NTAQ1: variants seen among roughly 807,000 people sequenced by gnomAD.
NTAQ1 encodes the protein protein N-terminal glutamine amidohydrolase.
NTAQ1 carries 21 observed loss-of-function variants against 28.2 expected under a neutral mutation model. The ratio of observed to expected loss-of-function variants is 0.74; its 90% confidence interval spans 0.53 to 1.07. The LOEUF (loss-of-function observed/expected upper bound fraction) is 1.07. Ranked by LOEUF, NTAQ1 falls within the 50% of genes least tolerant of loss-of-function variation. NTAQ1 has a pLI of 0.00. For synonymous variants in NTAQ1, 105 were observed against 90.0 expected (o/e 1.17, Z -0.94); for missense variants, 264 against 256.6 (o/e 1.03, Z -0.20).
chr8:123,457,373 A>T (rs931784923), intron 6 of NTAQ1, among the ~76,000 whole-genome samples: 20 of 148,038 alleles, frequency 1.4e-4, no homozygotes, highest in Non-Finnish European at 2.9e-4. Flanking sequence ...AGCCAAAATT[A>T]AAAAAAAAAT....
intron 1 of NTAQ1, among the ~76,000 whole-genome samples, chr8:123,423,934 G>A (rs1586930081): frequency 2.7e-5 from 4 of 150,854 alleles, no homozygotes; most frequent in East Asian, 3.9e-4. Context: ...CAGGCTGGAG[G>A]AGCAGTCGTG....
intron 1 of NTAQ1, among the ~76,000 whole-genome samples, chr8:123,417,438 A>G (rs1813367988): frequency 6.6e-6 from 1 of 152,168 alleles, no homozygotes; most frequent in South Asian, 2.1e-4. Flanking sequence ...TGTTATCCCC[A>G]GTTGAAAGAT....
intron 6 of NTAQ1, among the ~76,000 whole-genome samples, chr8:123,458,302 C>G (rs1452590223): frequency 2.0e-5 from 3 of 150,772 alleles, no homozygotes; most frequent in Non-Finnish European, 4.4e-5. Flanking sequence ...TCTCTCTGAT[C>G]AAAGTTTCAT....
chr8:123,420,883 G>C (rs1416728259), intron 1 of NTAQ1, among the ~76,000 whole-genome samples: 1 of 151,834 alleles, frequency 6.6e-6, no homozygotes, highest in East Asian at 1.9e-4. Context: ...TCCGCCTCCT[G>C]GGTTCAAGCG....
Position 123,430,036 on chromosome 8 carries a change from A to G in NTAQ1, c.234+3A>G. On this transcript the variant is annotated splice_donor_region_variant and intron_variant, in intron 3 of 5. Coordinates refer to ENST00000287387, the MANE Select transcript of NTAQ1 (RefSeq NM_018024.3). ...CTGGAGATGGACCTGTGATCTGGGT[A>G]AGACAGTTAATACAGAGAGTATTGA... is the stretch of plus-strand genomic sequence containing the variant. 6.2e-7 allele frequency: 1 copy of G among 1,612,132 alleles called. No individual in the cohort carries two copies.
chr8:123,425,416 A>AAATTT (rs1237388175), intron 1 of NTAQ1, among the ~76,000 whole-genome samples: 4 of 151,574 alleles, frequency 2.6e-5, no homozygotes, highest in African/African-American at 9.7e-5. Context: ...TTATTACTCT[A>AAATTT]TAGTACATAT....
chr8:123,473,453 AC>A (rs1382708252), downstream of NTAQ1, among the ~76,000 whole-genome samples: 1 of 151,790 alleles, frequency 6.6e-6, no homozygotes, highest in Admixed American at 6.6e-5. Flanking sequence ...ATGCCACCAC[AC>A]CTGGCTAATT....
chr8:123,465,574 C>CTTTTTTTTTT (rs71310691), intron 6 of NTAQ1, among the ~76,000 whole-genome samples: 7 of 78,558 alleles, frequency 8.9e-5, no homozygotes, highest in East Asian at 5.1e-4. Flanking sequence ...AGCATAACAT[C>CTTTTTTTTTT]TTTTTTTTTT....
In NTAQ1 at chr8:123,441,372, C is replaced by T; in HGVS notation, c.575C>T (p.Thr192Ile). ...DPKVGWGAVY[T>I]LSEFTHRFGS... is the part of the protein sequence containing the mutation. ...AAGGTAGGATGGGGCGCCGTCTACA[C>T]ACTATCCGAATTTACACATCGGTTT... The change falls in exon 6 of 6, where the codon ACA becomes ATA. Residue 192 changes from threonine to isoleucine, a missense_variant. Transcript: ENST00000287387. 1.2e-6 allele frequency: 2 copies of T among 1,612,142 alleles called. No homozygotes were observed. The highest frequency in any genetic ancestry group is 1.7e-6 in the Non-Finnish European group (2 of 1,178,936).
At chr8:123,430,888 G>A (rs929945082) in intron 3 of NTAQ1, among the ~76,000 whole-genome samples, 2 of 152,104 alleles carry the variant, frequency 1.3e-5, no homozygotes, top group East Asian at 1.9e-4. Flanking sequence ...TGAAAAATAC[G>A]GATCTACTCC....
In NTAQ1 at chr8:123,416,906, C is replaced by T. The variant is rs755433564; in HGVS notation, c.57C>T (p.Asp19=). ...VHYQPASPPR[D]ACVYSSCYCE... ...ACCAGCCGGCCAGCCCCCCGCGGGA[C>T]GCCTGCGTCTACAGCAGCTGCTACT... The change falls in exon 1 of 6, where the codon GAC becomes GAT. Residue 19 remains aspartate (D), a synonymous_variant. Coordinates refer to ENST00000287387, the MANE Select transcript of NTAQ1 (RefSeq NM_018024.3). The T allele has an allele frequency of 2.0e-6, 3 of 1,525,034 alleles. No individual in the cohort carries two copies. The highest frequency in any genetic ancestry group is 2.0e-5 in the Admixed American group (1 of 48,946). 94.5% of individuals were successfully genotyped at this position (1,525,034 alleles called of 1,614,324 possible).
chr8:123,424,072 G>GTT (rs35733686), intron 1 of NTAQ1, among the ~76,000 whole-genome samples: 17,357 of 85,768 alleles, frequency 0.2, 3,191 homozygotes, highest in Non-Finnish European at 0.24. Flanking sequence ...ATTTTTATGC[G>GTT]TTTTTTTTTT....
downstream of NTAQ1, among the ~76,000 whole-genome samples, chr8:123,450,445 A>G (rs7825449): frequency 0.36 from 54,147 of 150,434 alleles, 9,928 homozygotes; most frequent in East Asian, 0.56. Context: ...GTACTGCAGG[A>G]GGATGTGGGT....
downstream of NTAQ1, among the ~76,000 whole-genome samples, chr8:123,474,212 G>T (rs757387402): frequency 3.3e-5 from 5 of 152,092 alleles, no homozygotes; most frequent in South Asian, 8.3e-4. Context: ...CCCATTAACG[G>T]TTTTTTCTGA....
At position 123,442,031 on chromosome 8, in the gene NTAQ1, T is replaced by C. The variant is rs761655988; in HGVS notation, c.*616T>C. ...AATCGATTTAACGTTAGTTTTGTTT[T>C]GAAGATTTTTGTGTCACCCTTGATG... is the stretch of plus-strand genomic sequence containing the variant. On this transcript the variant is annotated 3_prime_UTR_variant, in exon 6 of 6. Coordinates refer to ENST00000287387, the MANE Select transcript of NTAQ1 (RefSeq NM_018024.3). 1 of 152,654 alleles carries C rather than the reference T, an allele frequency of 6.6e-6. No individual in the cohort carries two copies. Among genetic ancestry groups the C allele is most frequent in the Non-Finnish European group, 1.5e-5 (1 of 68,060 alleles). 9.5% of individuals were successfully genotyped at this position (152,654 alleles called of 1,614,324 possible).
At chr8:123,430,278 T>A (rs1434493055) in intron 3 of NTAQ1, among the ~76,000 whole-genome samples, 1 of 152,244 alleles carries the variant, frequency 6.6e-6, no homozygotes. Context: ...ATATTTGTGA[T>A]CTAGACTCTT....
intron 5 of NTAQ1, among the ~76,000 whole-genome samples, chr8:123,438,579 C>T (rs917111073): frequency 6.7e-6 from 1 of 150,330 alleles, no homozygotes; most frequent in South Asian, 2.1e-4. Flanking sequence ...TTACTTGAAC[C>T]GGGTAATTGC....
chr8:123,463,113 A>C (rs989354353), intron 6 of NTAQ1, among the ~76,000 whole-genome samples: 1 of 152,198 alleles, frequency 6.6e-6, no homozygotes, highest in Non-Finnish European at 1.5e-5. Context: ...TTTCTCACTG[A>C]AAAACACATT....
Position 123,428,009 on chromosome 8 carries a change from A to G in NTAQ1, c.169A>G (p.Asn57Asp), listed in dbSNP as rs760127139. 3.7e-6 allele frequency: 6 copies of G among 1,604,972 alleles called. No homozygotes were observed. The highest frequency in any genetic ancestry group is 2.2e-5 in the East Asian group (1 of 44,800). ...AGAATGTTATGCTGTCTTCATATCT[A>G]ATGAGAGGAAGATGGTAAGTTGGTG... ...LEECYAVFISNERKMIPIWKQ... is the reference protein window; with the variant it reads ...LEECYAVFISDERKMIPIWKQ... The change falls in exon 2 of 6, where the codon AAT becomes GAT. Residue 57 changes from asparagine (N) to aspartate (D), a missense_variant. Asn to Asp is a conservative substitution (Grantham distance 23). Coordinates refer to ENST00000287387, the MANE Select transcript of NTAQ1 (RefSeq NM_018024.3).
Sources: gnomAD v4.1 joint callset for allele counts (sites outside exome capture counted in the v4.1 genomes callset) on GRCh38, gnomAD v4.1.1 for gene constraint, MANE v1.5 for transcripts, NCBI Gene and HGNC (gene_info 2026-07-23, HGNC 2026-07-21) for gene names.